Variants in TOP1MT observed in about 807,000 individuals in gnomAD.
TOP1MT encodes the protein DNA topoisomerase I, mitochondrial.
TOP1MT carries 80 observed loss-of-function variants against 73.9 expected under a neutral mutation model. The observed-to-expected ratio is 1.08, with a 90% CI of 0.90 to 1.30. The LOEUF (loss-of-function observed/expected upper bound fraction) is 1.30, where lower values mean the gene tolerates loss of function less well. Among genes scored for constraint, TOP1MT ranks in the 50% most tolerant of loss-of-function variants. TOP1MT has a pLI of 0.00. For missense variants in TOP1MT, 815 were observed against 808.0 expected, an observed-to-expected ratio of 1.01 and a Z score of -0.10; for synonymous variants, 338 against 326.4, an observed-to-expected ratio of 1.04 and a Z score of -0.38.
At chr8:143,327,763 G>GA in intron 3 of TOP1MT, 8 of 306,176 alleles carry the variant, frequency 2.6e-5, no homozygotes, top group South Asian at 1.7e-4. Flanking sequence ...GTGGCATCAG[G>GA]CCAAAGAAGA....
chr8:143,331,320 C>G lies in TOP1MT; in HGVS notation c.142G>C (p.Glu48Gln), dbSNP rs1026588064. 6.2e-7 allele frequency: 1 copy of G among 1,612,072 alleles called. No homozygotes were observed. The highest frequency in any genetic ancestry group is 8.5e-7 in the Non-Finnish European group (1 of 1,178,556). The change falls in exon 2 of 14, where the codon GAA (glutamate) becomes CAA (glutamine). Residue 48 changes from glutamate (E) to glutamine (Q), a missense_variant. Physicochemically the swap from Glu to Gln is conservative, Grantham distance 29 (BLOSUM62 2). Transcript: ENST00000329245. ...AGCTGTCTCCACTTCACCCCGTCTT[C>G]GTGCTTCTCCTTCTCCCACCTAAAG... ...SGARWEKEKH[E>Q]DGVKWRQLEH...
intron 1 of TOP1MT, among the ~76,000 whole-genome samples, chr8:143,350,677 C>G (rs1310436673): frequency 1.3e-5 from 2 of 152,226 alleles, no homozygotes; most frequent in African/African-American, 4.8e-5. Context: ...CGAATATCCA[C>G]GGAGTGCTCA....
chr8:143,334,815 A>G lies in TOP1MT; in HGVS notation c.47T>C (p.Leu16Pro), dbSNP rs1257155163. The G allele has an allele frequency of 6.4e-7, 1 of 1,560,600 alleles. No individual in the cohort carries two copies. Among genetic ancestry groups the G allele is most frequent in the Admixed American group, 1.8e-5 (1 of 55,618 alleles). The change falls in exon 1 of 14, where the codon CTC becomes CCC. Residue 16 changes from leucine to proline, a missense_variant. Around this residue, in one of 3 missense-constraint regions of TOP1MT, gnomAD observed 60 missense variants for 65.9 expected, o/e 0.91. Coordinates refer to ENST00000329245, the MANE Select transcript of TOP1MT (RefSeq NM_052963.3). Reference sequence around the variant, plus strand: ...GGCCGGGCGGCGGGGGACCTCCCCGAGCAGCGTCAGAGCCGCCCGGAGCCG... The same window carrying G: ...GGCCGGGCGGCGGGGGACCTCCCCGGGCAGCGTCAGAGCCGCCCGGAGCCG... ...LLRLRAALTL[L>P]GEVPRRPASR...
chr8:143,311,176 C>T (rs1295410022), intron 12 of TOP1MT, among the ~76,000 whole-genome samples: 2 of 143,574 alleles, frequency 1.4e-5, no homozygotes, highest in Non-Finnish European at 3.0e-5. Flanking sequence ...ACCATGTTGG[C>T]CATGATGGTC....
intron 3 of TOP1MT, among the ~76,000 whole-genome samples, 171 bp from the exon 4 acceptor site, chr8:143,326,515 C>T (rs1409786252): frequency 3.3e-5 from 5 of 152,222 alleles, no homozygotes; most frequent in South Asian, 2.1e-4. Context: ...AGCCTCTCCC[C>T]GCAGACCCCA....
rs1249873642 is a variant in TOP1MT, at chr8:143,324,541, C to T, written c.760G>A (p.Glu254Lys). 2.5e-6 allele frequency: 4 copies of T among 1,613,778 alleles called. No individual in the cohort carries two copies. The highest frequency in any genetic ancestry group is 2.7e-5 in the African/African-American group (2 of 74,922). ...TACTTGATGGAGTTCTGAACGCTCT[C>T]GGTCCAAGCTGCCAGCCACGTGACG... is the stretch of plus-strand genomic sequence containing the variant. ...NTVTWLAAWT[E>K]SVQNSIKYIM... The change falls in exon 6 of 14, where the codon GAG (glutamate) becomes AAG (lysine). Residue 254 changes from glutamate (E) to lysine (K), a missense_variant. Coordinates refer to ENST00000329245, the MANE Select transcript of TOP1MT (RefSeq NM_052963.3).
chr8:143,343,596 C>T (rs1817169975), intron 1 of TOP1MT: 1 of 246,372 alleles, frequency 4.1e-6, no homozygotes, highest in Non-Finnish European at 8.2e-6. Context: ...CTCCCAGGTC[C>T]CCTCTGGGAC....
At chr8:143,319,932 T>C (rs1816282965) in intron 8 of TOP1MT, among the ~76,000 whole-genome samples, 1 of 151,544 alleles carries the variant, frequency 6.6e-6, no homozygotes, top group African/African-American at 2.4e-5. Context: ...AACACCAGCC[T>C]GGCCAACATG....
At chr8:143,347,866 C>CA (rs1463453352), upstream of TOP1MT, among the ~76,000 whole-genome samples, 1 of 152,228 alleles carries the variant, frequency 6.6e-6, no homozygotes, top group African/African-American at 2.4e-5. Flanking sequence ...GAAGCTCAGG[C>CA]ACCGAGGTGA....
rs1586766188 is a variant in TOP1MT at position 143,326,301 on chromosome 8, T to A, written c.404A>T (p.Lys135Met). ...TCTGTGGATCTCCGTGAAGTCACAC[T>A]TGTCCAGGCTCTTGATGACTTCCCT... The part of the protein sequence containing the change: ...EEREVIKSLD[K>M]CDFTEIHRYF... The change falls in exon 4 of 14, where the codon AAG (lysine) becomes ATG (methionine). Residue 135 changes from lysine to methionine, a missense_variant. Physicochemically the swap from Lys to Met is moderately conservative, Grantham distance 95 (BLOSUM62 -1). Coordinates refer to ENST00000329245, the MANE Select transcript of TOP1MT (RefSeq NM_052963.3). The A allele has an allele frequency of 6.2e-7, 1 of 1,613,912 alleles. No individual in the cohort carries two copies. Among genetic ancestry groups the A allele is most frequent in the East Asian group, 2.2e-5 (1 of 44,894 alleles).
At chr8:143,340,552 C>T (rs1280921018) in intron 2 of TOP1MT, among the ~76,000 whole-genome samples, 1 of 152,064 alleles carries the variant, frequency 6.6e-6, no homozygotes, top group Non-Finnish European at 1.5e-5. Context: ...TGGCTGGCTT[C>T]CGGCTGCCCT....
chr8:143,357,093 C>CA (rs36125491), upstream of TOP1MT, among the ~76,000 whole-genome samples: 45,487 of 89,490 alleles, frequency 0.51, 10,863 homozygotes, highest in African/African-American at 0.68. Context: ...GACTCCATCT[C>CA]AAAAAAAAAA....
intron 6 of TOP1MT, 144 bp downstream of exon 6, chr8:143,324,341 T>C: frequency 7.3e-7 from 1 of 1,369,128 alleles, no homozygotes; most frequent in Non-Finnish European, 1.0e-6. Flanking sequence ...TTGTGCCTGC[T>C]GGCACAGCAT....
rs757165053 is a variant in TOP1MT, at chr8:143,317,731, A to C, written c.1322T>G (p.Leu441Arg). 2.9e-5 allele frequency: 46 copies of C among 1,613,422 alleles called. No homozygotes were observed. The South Asian group carries it at 5.1e-4, about 18-fold the overall frequency. ...GTGTGGGGCAGGCTCACCGCGCGTC[A>C]GGGCCCGCAGCTGCTCCTGCAGAGT... ...SITLQEQLRA[L>R]TRAEDSIAAK... The change falls in exon 10 of 14, where the codon CTG becomes CGG. Residue 441 changes from leucine to arginine, a missense_variant. Physicochemically the swap from Leu to Arg is moderately radical, Grantham distance 102. Around this residue, in one of 3 missense-constraint regions of TOP1MT, gnomAD observed 751 missense variants for 725.4 expected, o/e 1.04. Transcript: ENST00000329245.
At chr8:143,324,852 G>A (rs1273843359) in intron 5 of TOP1MT, among the ~76,000 whole-genome samples, 3 of 152,120 alleles carry the variant, frequency 2.0e-5, no homozygotes, top group Non-Finnish European at 2.9e-5. Flanking sequence ...CAGGAGGCTG[G>A]GCGGCCACCC....
chr8:143,324,010 A>C lies in TOP1MT; in HGVS notation c.949T>G (p.Phe317Val), dbSNP rs761466166. Residue 317 changes from phenylalanine to valine, a missense_variant, in exon 7 of 14, where the codon TTC becomes GTC. Transcript: ENST00000329245. ...AGAAGGCCGCATACCTTATCGATGA[A>C]ATACAGGGCCACCGCCCGCTGTCTC... ...KTRQRAVALY[F>V]IDKLALRAGN... 1 of 1,613,728 alleles carries C rather than the reference A, an allele frequency of 6.2e-7. No homozygotes were observed. The highest frequency in any genetic ancestry group is 1.1e-5 in the South Asian group (1 of 91,082).
At chr8:143,354,914 G>GA (rs983561681) in intron 1 of TOP1MT, among the ~76,000 whole-genome samples, 4 of 151,968 alleles carry the variant, frequency 2.6e-5, no homozygotes, top group Non-Finnish European at 5.9e-5. Flanking sequence ...AAAAAGAAAA[G>GA]AAAAAAAGGA....
chr8:143,332,517 C>G (rs942312795), intron 1 of TOP1MT: 2 of 1,289,290 alleles, frequency 1.6e-6, no homozygotes, highest in Non-Finnish European at 2.0e-6. Flanking sequence ...GCACGTGACC[C>G]CAGCCAGGTA....
intron 2 of TOP1MT, among the ~76,000 whole-genome samples, chr8:143,330,064 AATGCATAATC>A (rs1418823210): frequency 6.6e-6 from 1 of 152,206 alleles, no homozygotes; most frequent in Non-Finnish European, 1.5e-5. Context: ...TAGAGAAATA[AATGCATAATC>A]ATTTGGTAAG....
Sources: allele counts gnomAD v4.1 joint callset (sites outside exome capture counted in the v4.1 genomes callset), GRCh38; gene constraint gnomAD v4.1.1; regional missense constraint gnomAD v4.1.1; transcripts MANE v1.5; gene names NCBI Gene and HGNC (gene_info 2026-07-23, HGNC 2026-07-21).